CTIF: variants seen among roughly 807,000 people sequenced by gnomAD.
CTIF encodes the protein CBP80/20-dependent translation initiation factor.
CTIF carries 21 observed loss-of-function variants against 66.0 expected under a neutral mutation model. The ratio of observed to expected loss-of-function variants is 0.32; its 90% CI spans 0.23 to 0.46. The LOEUF is 0.46. CTIF is among the 20% of genes least tolerant of loss of function. The pLI, the probability that CTIF is intolerant of heterozygous loss-of-function variation, is 1.00. For missense variants in CTIF, 739 were observed against 812.7 expected, an observed-to-expected ratio of 0.91 and a Z score of 1.10; for synonymous variants, 345 against 326.4, an observed-to-expected ratio of 1.06 and a Z score of -0.62.
chr18:48,830,248 T>G (rs1463176915), intron 10 of CTIF, among the ~76,000 whole-genome samples: 10 of 152,156 alleles, frequency 6.6e-5, no homozygotes, highest in Admixed American at 6.5e-4. Flanking sequence ...CACTACAACC[T>G]CCGCCTGCCA....
chr18:48,819,542 C>T (rs769331444), intron 10 of CTIF, among the ~76,000 whole-genome samples: 7 of 152,138 alleles, frequency 4.6e-5, no homozygotes, highest in Non-Finnish European at 1.0e-4. Flanking sequence ...CTTTTAACAC[C>T]GCCTGAGGTA....
In CTIF at chr18:48,708,253, A is replaced by G. The variant is rs180941774; in HGVS notation, c.508-3366A>G. Among the ~76,000 whole-genome samples, 55 of 152,268 alleles carry G rather than the reference A, an allele frequency of 3.6e-4. No individual in the cohort carries two copies. The East Asian group carries it at 7.9e-3, about 22-fold the overall frequency. On this transcript the variant is annotated intron_variant, in intron 6 of 11. Transcript: ENST00000256413. ...ACCTGCATGAGCTGCACATCTGGTG[A>G]CAGGTTTGTGACTCAGTACAGACTT...
chr18:48,544,945 G>T (rs555773284), intron 1 of CTIF, among the ~76,000 whole-genome samples: 20 of 152,372 alleles, frequency 1.3e-4, no homozygotes, highest in African/African-American at 4.3e-4. Context: ...TCAACGTCAT[G>T]TGGGAAGTCT....
chr18:48,606,873 A>G (rs1251426476), intron 1 of CTIF, among the ~76,000 whole-genome samples: 1 of 152,212 alleles, frequency 6.6e-6, no homozygotes, highest in Non-Finnish European at 1.5e-5. Context: ...TGCCTACATT[A>G]TAGGATGATC....
intron 1 of CTIF, chr18:48,539,955 T>G (rs909158651): frequency 4.6e-5 from 7 of 151,762 alleles, no homozygotes; most frequent in African/African-American, 1.7e-4. Context: ...ATTGTGTCTG[T>G]GGCAGCGGGC....
intron 2 of CTIF, among the ~76,000 whole-genome samples, chr18:48,631,915 G>A (rs980480658): frequency 4.6e-5 from 7 of 152,192 alleles, no homozygotes; most frequent in Admixed American, 3.9e-4. Flanking sequence ...CCCGGACTGA[G>A]GAGCGGGTCT....
intron 7 of CTIF, chr18:48,755,906 A>G (rs1304569855): frequency 6.6e-6 from 1 of 152,258 alleles, no homozygotes; most frequent in African/African-American, 2.4e-5. Flanking sequence ...AAAGGTAGAA[A>G]GAAGACAGAC....
At chr18:48,626,325 T>A (rs920569798) in intron 2 of CTIF, among the ~76,000 whole-genome samples, 1 of 151,660 alleles carries the variant, frequency 6.6e-6, no homozygotes, top group African/African-American at 2.4e-5. Flanking sequence ...TCTAATGAAA[T>A]TGAATTACCA....
Position 48,859,909 on chromosome 18 carries a change from C to G in CTIF, c.*350C>G. On this transcript the variant is annotated 3_prime_UTR_variant, in exon 12 of 12. Transcript: ENST00000256413. ...GAGGGATCTCATCGCTGTGACTCCT[C>G]GGAGACCTTGGCAGCCTCGCACGCC... 1 of 509,732 alleles carries G rather than the reference C, an allele frequency of 2.0e-6. No individual in the cohort carries two copies. Among genetic ancestry groups the G allele is most frequent in the South Asian group, 1.5e-5 (1 of 65,050 alleles). The allele number at this position is 509,732 out of a possible 1,614,324, so 31.6% of individuals were successfully genotyped here.
At chr18:48,781,729 G>C (rs1053590384) in intron 9 of CTIF, among the ~76,000 whole-genome samples, 1 of 152,110 alleles carries the variant, frequency 6.6e-6, no homozygotes, top group Non-Finnish European at 1.5e-5. Flanking sequence ...AGAAAAGGGA[G>C]GGGGCATGGG....
chr18:48,781,752 A>G (rs1911250262), intron 9 of CTIF, among the ~76,000 whole-genome samples: 1 of 152,030 alleles, frequency 6.6e-6, no homozygotes, highest in Admixed American at 6.5e-5. Flanking sequence ...CAGGAGAGGA[A>G]GCATTCTTAG....
chr18:48,811,936 T>A (rs2068265668), intron 9 of CTIF, among the ~76,000 whole-genome samples: 1 of 152,154 alleles, frequency 6.6e-6, no homozygotes, highest in South Asian at 2.1e-4. Context: ...ATATAGTAAT[T>A]CTGTTTTTGA....
At chr18:48,651,586 G>GA (rs2091157010) in intron 3 of CTIF, among the ~76,000 whole-genome samples, 1 of 152,142 alleles carries the variant, frequency 6.6e-6, no homozygotes. Context: ...GGATATCCAG[G>GA]ACTTGAGCTT....
intron 6 of CTIF, among the ~76,000 whole-genome samples, chr18:48,676,873 A>G (rs996731261): frequency 1.3e-4 from 20 of 152,084 alleles, no homozygotes; most frequent in African/African-American, 4.8e-4. Context: ...AATGAAAATC[A>G]TGGCTCCATG....
intron 2 of CTIF, among the ~76,000 whole-genome samples, chr18:48,623,812 C>T (rs1383721537): frequency 1.3e-5 from 2 of 152,082 alleles, no homozygotes; most frequent in African/African-American, 4.8e-5. Context: ...TTGTGTTCCT[C>T]TCGTCCTTCC....
chr18:48,726,684 G>A (rs959289953), intron 7 of CTIF, among the ~76,000 whole-genome samples: 2 of 152,110 alleles, frequency 1.3e-5, no homozygotes, highest in Non-Finnish European at 2.9e-5. Context: ...CACCAAGATC[G>A]AAGCTGCAGT....
At chr18:48,730,244 C>CT (rs1568170766) in intron 7 of CTIF, among the ~76,000 whole-genome samples, 3 of 133,246 alleles carry the variant, frequency 2.3e-5, no homozygotes, top group Admixed American at 7.3e-5. Flanking sequence ...GAGGGGCCTC[C>CT]GCGGTGTGAG....
At chr18:48,728,811 A>G (rs1598935748) in intron 7 of CTIF, among the ~76,000 whole-genome samples, 1 of 152,178 alleles carries the variant, frequency 6.6e-6, no homozygotes, top group East Asian at 1.9e-4. Flanking sequence ...CTGGTCTCAA[A>G]GCAACATACC....
rs1555676054 is a variant in CTIF at position 48,699,417 on chromosome 18, T to TGGGGCTGGGGCTGGGGCTGGAGCC, written c.508-12198_508-12175dup. On this transcript the variant is annotated intron_variant, in intron 6 of 11. Transcript: ENST00000256413. ...ATGGGGCTGGGGCTGGGGCTGGGGC[T>TGGGGCTGGGGCTGGGGCTGGAGCC]GGGGCTGGGGCTGGGGCTGGAGCCG... Among the ~76,000 whole-genome samples, 665 of 70,718 alleles carry TGGGGCTGGGGCTGGGGCTGGAGCC rather than the reference T, an allele frequency of 9.4e-3. 10 individuals are homozygous for TGGGGCTGGGGCTGGGGCTGGAGCC. The highest frequency in any genetic ancestry group is 0.034 in the African/African-American group (628 of 18,350). 46.4% of individuals were successfully genotyped at this position (70,718 alleles called of 152,430 possible). A position where few individuals can be genotyped will look rare whatever the true frequency, so the allele number is the denominator to read the frequency against.
Sources: gnomAD v4.1 joint callset for allele counts (sites outside exome capture counted in the v4.1 genomes callset) on GRCh38, gnomAD v4.1.1 for gene constraint, MANE v1.5 for transcripts, NCBI Gene and HGNC (gene_info 2026-07-23, HGNC 2026-07-21) for gene names.